Variants in PGS1 observed in about 807,000 individuals in gnomAD.
PGS1 encodes the protein CDP-diacylglycerol--glycerol-3-phosphate 3-phosphatidyltransferase, mitochondrial.
Under a neutral mutation model 58.3 loss-of-function variants are expected in PGS1, and 44 were observed. The ratio of observed to expected loss-of-function variants is 0.75; its 90% CI spans 0.59 to 0.97. The LOEUF (loss-of-function observed/expected upper bound fraction) is 0.97. Among genes scored for constraint, PGS1 ranks in the 50% least tolerant of loss-of-function variants. The pLI is 0.00. For synonymous variants in PGS1, 330 were observed against 311.0 expected, an observed-to-expected ratio of 1.06 and a Z score of -0.64; for missense variants, 684 against 731.1, an observed-to-expected ratio of 0.94 and a Z score of 0.74.
In PGS1 at chr17:78,387,181, T is replaced by G. The variant is rs2082457846; in HGVS notation, c.144-5295T>G. On this transcript the variant is annotated intron_variant, in intron 1 of 9. Coordinates refer to ENST00000262764, the MANE Select transcript of PGS1 (RefSeq NM_024419.5). ...ACCATGCCCAGCTAATTTTTGTATT[T>G]TTAGTAGAGATGGGGTTTTGCCATG... 2.0e-5 allele frequency among the ~76,000 whole-genome samples: 3 copies of G among 151,590 alleles called. No individual in the cohort carries two copies. The South Asian group carries it at 6.3e-4, about 32-fold the overall frequency.
intron 4 of PGS1, 63 bp from the exon 5 acceptor site, chr17:78,399,285 C>CTGTTGTGAG (rs2146199931): frequency 1.5e-6 from 2 of 1,353,928 alleles, no homozygotes; most frequent in Non-Finnish European, 1.0e-6. Flanking sequence ...GAGGTGGCTC[C>CTGTTGTGAG]TCATTGGGGG....
At chr17:78,416,394 C>T (rs534076577) in intron 8 of PGS1, among the ~76,000 whole-genome samples, 1 of 152,354 alleles carries the variant, frequency 6.6e-6, no homozygotes, top group South Asian at 2.1e-4. Flanking sequence ...CAGAGACTTC[C>T]ACTGTAGCTC....
At chr17:78,396,821 C>G (rs2083259062) in intron 3 of PGS1, among the ~76,000 whole-genome samples, 2 of 152,230 alleles carry the variant, frequency 1.3e-5, no homozygotes, top group East Asian at 3.8e-4. Context: ...TATTGGTAAA[C>G]AAACTTTTGT....
Position 78,402,057 on chromosome 17 carries a change from C to G in PGS1, c.880+1202C>G, listed in dbSNP as rs543396829. Among the ~76,000 whole-genome samples, 124 of 146,950 alleles carry G rather than the reference C, an allele frequency of 8.4e-4. 1 individual carries two copies. Among genetic ancestry groups the G allele is most frequent in the African/African-American group, 3.1e-3 (123 of 39,950 alleles). Reference sequence around the variant, plus strand: ...AGAGGCTCAGGGTGTGCGCAGGGCCCCCCGGTGCTCCTCCCTCCGGCAGCC... The same window carrying G: ...AGAGGCTCAGGGTGTGCGCAGGGCCGCCCGGTGCTCCTCCCTCCGGCAGCC... On this transcript the variant is annotated intron_variant, in intron 6 of 9. Coordinates refer to ENST00000262764, the MANE Select transcript of PGS1 (RefSeq NM_024419.5).
intron 8 of PGS1, 55 bp downstream of exon 8, chr17:78,415,082 A>G (rs1598380366): frequency 1.3e-6 from 2 of 1,592,584 alleles, no homozygotes; most frequent in Admixed American, 3.4e-5. Flanking sequence ...CTGGGGGCCC[A>G]GGCTCACCCG....
At chr17:78,406,982 A>C (rs1426142682) in intron 7 of PGS1, among the ~76,000 whole-genome samples, 1 of 152,016 alleles carries the variant, frequency 6.6e-6, no homozygotes, top group Non-Finnish European at 1.5e-5. Flanking sequence ...AAACAGAAAC[A>C]CCCAACCTGC....
At chr17:78,383,121 G>A (rs2082151032) in intron 1 of PGS1, among the ~76,000 whole-genome samples, 1 of 152,130 alleles carries the variant, frequency 6.6e-6, no homozygotes. Flanking sequence ...TCATCTTTAT[G>A]TTTGAAACTT....
chr17:78,393,163 CCATT>C (rs1445748659), intron 2 of PGS1, among the ~76,000 whole-genome samples: 1 of 152,096 alleles, frequency 6.6e-6, no homozygotes, highest in African/African-American at 2.4e-5. Flanking sequence ...CGGGTTCACG[CCATT>C]CTCCTGCCTC....
At chr17:78,420,416 G>T in intron 9 of PGS1, 1 of 176,460 alleles carries the variant, frequency 5.7e-6, no homozygotes, top group Non-Finnish European at 1.1e-5. Flanking sequence ...TTGTGTCCTG[G>T]ATCCCTCAGG....
At chr17:78,386,953 G>A (rs1356421267) in intron 1 of PGS1, among the ~76,000 whole-genome samples, 2 of 148,042 alleles carry the variant, frequency 1.4e-5, no homozygotes, top group African/African-American at 5.2e-5. Context: ...TGGTGATGAT[G>A]GTGATGATGA....
In PGS1 at chr17:78,378,704, C is replaced by G; in HGVS notation, c.39C>G (p.Phe13Leu). ...CGGCAGCTGCGGCGGGACCCGTGTT[C>G]TGGAGGCGACTGCTGGGCCTCCTGC... The part of the protein sequence containing the change: ...VAAAAAAGPV[F>L]WRRLLGLLPG... The change falls in exon 1 of 10, where the codon TTC becomes TTG. Residue 13 changes from phenylalanine (F) to leucine (L), a missense_variant. Coordinates refer to ENST00000262764, the MANE Select transcript of PGS1 (RefSeq NM_024419.5). 6.6e-7 allele frequency: 1 copy of G among 1,522,298 alleles called. No individual in the cohort carries two copies. The highest frequency in any genetic ancestry group is 2.0e-5 in the Admixed American group (1 of 49,506). The allele number at this position is 1,522,298 out of a possible 1,614,324, so 94.3% of individuals were successfully genotyped here.
At chr17:78,394,637 C>T (rs1313171722) in intron 2 of PGS1, among the ~76,000 whole-genome samples, 1 of 151,980 alleles carries the variant, frequency 6.6e-6, no homozygotes, top group African/African-American at 2.4e-5. Context: ...CTCATCACAA[C>T]CTCTGCCTCC....
At chr17:78,398,385 C>G in intron 4 of PGS1, 34 bp downstream of exon 4, 1 of 1,402,250 alleles carries the variant, frequency 7.1e-7, no homozygotes, top group South Asian at 1.2e-5. Flanking sequence ...CCTCCTGCTT[C>G]CTGTGTCAGA....
intron 1 of PGS1, among the ~76,000 whole-genome samples, chr17:78,383,890 T>G (rs986241981): frequency 2.2e-4 from 34 of 152,232 alleles, no homozygotes; most frequent in Non-Finnish European, 2.5e-4. Flanking sequence ...TGTCTGCTGG[T>G]AGGCAAATAG....
chr17:78,399,603 G>A, intron 5 of PGS1, 66 bp downstream of exon 5: 1 of 1,515,212 alleles, frequency 6.6e-7, no homozygotes. Context: ...AGTGGAATAG[G>A]AACAGTGGGA....
At chr17:78,411,906 T>TC (rs1302186235) in intron 7 of PGS1, among the ~76,000 whole-genome samples, 1 of 133,110 alleles carries the variant, frequency 7.5e-6, no homozygotes, top group African/African-American at 2.9e-5. Context: ...CTCCTGCTTT[T>TC]TTTTTTTTTT....
chr17:78,424,160 GGACAGTATGGCTGA>G lies in PGS1; in HGVS notation c.*112_*125del, dbSNP rs756587570. On this transcript the variant is annotated 3_prime_UTR_variant, in exon 10 of 10. Coordinates refer to ENST00000262764, the MANE Select transcript of PGS1 (RefSeq NM_024419.5). The stretch of plus-strand genomic sequence containing the variant: ...TGGGTGTCCCAGCGAGCCCCTGCAG[GGACAGTATGGCTGA>G]GGGTCAGGTGTGCTGCCAGTAAGTG... 1.2e-6 allele frequency: 2 copies of G among 1,606,218 alleles called. No homozygotes were observed. The highest frequency in any genetic ancestry group is 1.7e-6 in the Non-Finnish European group (2 of 1,176,738).
In PGS1 at chr17:78,398,289, A is replaced by G; in HGVS notation, c.449A>G (p.Gln150Arg). ...CLESTLEKSL[Q>R]AKFPSNLKVS... The stretch of plus-strand genomic sequence containing the variant: ...GAAAGTACTCTAGAAAAGTCACTCC[A>G]AGCAAAGTTTCCTTCAAATCTCAAG... The change falls in exon 4 of 10, where the codon CAA becomes CGA. Residue 150 changes from glutamine to arginine, a missense_variant. Transcript: ENST00000262764. The G allele has an allele frequency of 6.2e-7, 1 of 1,614,024 alleles. No individual in the cohort carries two copies. The highest frequency in any genetic ancestry group is 8.5e-7 in the Non-Finnish European group (1 of 1,179,938).
At chr17:78,408,545 G>T (rs962021256) in intron 7 of PGS1, among the ~76,000 whole-genome samples, 2 of 152,200 alleles carry the variant, frequency 1.3e-5, no homozygotes, top group South Asian at 4.1e-4. Flanking sequence ...AATCACACTG[G>T]GGGCCGAGGG....
Sources: allele counts gnomAD v4.1 joint callset (sites outside exome capture counted in the v4.1 genomes callset), GRCh38; gene constraint gnomAD v4.1.1; transcripts MANE v1.5; gene names NCBI Gene and HGNC (gene_info 2026-07-23, HGNC 2026-07-21).